The following ZFHX4 variants were observed in gnomAD, a reference collection of about 807,000 sequenced individuals.
The protein encoded by ZFHX4 is zinc finger homeobox protein 4.
Under a neutral mutation model 267.6 loss-of-function variants are expected in ZFHX4, and 56 were observed. The observed-to-expected ratio is 0.21, with a 90% CI of 0.17 to 0.26. The LOEUF is 0.26. Ranked by LOEUF, ZFHX4 falls within the 10% of genes least tolerant of loss-of-function variation. The pLI, the probability that ZFHX4 is intolerant of heterozygous loss-of-function variation, is 1.00. For synonymous variants in ZFHX4, 1,778 were observed against 1,665.6 expected (o/e 1.07, Z -1.64); for missense variants, 4,332 against 4,420.0 (o/e 0.98, Z 0.56).
At chr8:76,823,574 C>A (rs1383561764) in intron 4 of ZFHX4, among the ~76,000 whole-genome samples, 1 of 152,258 alleles carries the variant, frequency 6.6e-6, no homozygotes, top group African/African-American at 2.4e-5. Context: ...ATGTTTGTAT[C>A]AATCACTGCC....
At position 76,865,328 on chromosome 8, in the gene ZFHX4, A is replaced by G. The variant is rs1345458231; in HGVS notation, c.*763A>G. 2.0e-5 allele frequency: 3 copies of G among 152,686 alleles called. No homozygotes were observed. The highest frequency in any genetic ancestry group is 3.9e-4 in the East Asian group (2 of 5,182). The allele number at this position is 152,686 out of a possible 1,614,324, so 9.5% of individuals were successfully genotyped here. Reference sequence around the variant, plus strand: ...CCTTCTCACTTTTACCTCTGACGTCATTCTTTTTTTCTGAAAGAGGTAATA... The same window carrying G: ...CCTTCTCACTTTTACCTCTGACGTCGTTCTTTTTTTCTGAAAGAGGTAATA... On this transcript the variant is annotated 3_prime_UTR_variant, in exon 11 of 11. Coordinates refer to ENST00000651372, the MANE Select transcript of ZFHX4 (RefSeq NM_024721.5).
chr8:76,685,241 G>A (rs1807662363), intron 1 of ZFHX4, among the ~76,000 whole-genome samples: 4 of 152,140 alleles, frequency 2.6e-5, no homozygotes. Flanking sequence ...TCATTTCCAC[G>A]AAGCCAAATT....
At chr8:76,732,003 C>T (rs981720375) in intron 3 of ZFHX4, among the ~76,000 whole-genome samples, 2 of 151,590 alleles carry the variant, frequency 1.3e-5, no homozygotes, top group Non-Finnish European at 2.9e-5. Context: ...CTCCACACTC[C>T]GCTAATGTTT....
At chr8:76,735,638 A>T (rs1809139090) in intron 3 of ZFHX4, among the ~76,000 whole-genome samples, 1 of 152,116 alleles carries the variant, frequency 6.6e-6, no homozygotes, top group South Asian at 2.1e-4. Context: ...GACAGTGTTT[A>T]TTGTAGTCAG....
intron 10 of ZFHX4, among the ~76,000 whole-genome samples, chr8:76,861,924 C>T (rs960348083): frequency 2.6e-5 from 4 of 152,004 alleles, no homozygotes; most frequent in African/African-American, 9.7e-5. Flanking sequence ...CTTCCTTCCG[C>T]CCACCAGACC....
chr8:76,724,751 G>A (rs1808808810), intron 3 of ZFHX4, among the ~76,000 whole-genome samples: 2 of 152,048 alleles, frequency 1.3e-5, no homozygotes, highest in African/African-American at 4.8e-5. Context: ...CTTTGTACAT[G>A]AAGATATCCC....
At chr8:76,807,479 G>T (rs1354462964) in intron 4 of ZFHX4, among the ~76,000 whole-genome samples, 1 of 152,036 alleles carries the variant, frequency 6.6e-6, no homozygotes. Flanking sequence ...ATGAGTAGGG[G>T]GTTTCTGTTT....
rs1439144510 is a variant in ZFHX4 at position 76,706,638 on chromosome 8, G to T, written c.2550G>T (p.Gln850His). 6.2e-7 allele frequency: 1 copy of T among 1,602,226 alleles called. No homozygotes were observed. The highest frequency in any genetic ancestry group is 8.5e-7 in the Non-Finnish European group (1 of 1,175,606). ...CTCAGCTGATGATCAATCCATTCCAGCTGGATCCAGCGACAGCAGCGGCTT... is the reference window on the plus strand; with the variant it reads ...CTCAGCTGATGATCAATCCATTCCATCTGGATCCAGCGACAGCAGCGGCTT... ...ADPQLMINPF[Q>H]LDPATAAALA... is the part of the protein sequence containing the mutation. The change falls in exon 2 of 11, where the codon CAG becomes CAT. Residue 850 changes from glutamine (Q) to histidine (H), a missense_variant. Physicochemically the swap from Gln to His is conservative, Grantham distance 24. Transcript: ENST00000651372.
In ZFHX4 at chr8:76,842,637, G is replaced by C. The variant is rs1312830621; in HGVS notation, c.3395-18G>C. On this transcript the variant is annotated intron_variant, in intron 5 of 10. Coordinates refer to ENST00000651372, the MANE Select transcript of ZFHX4 (RefSeq NM_024721.5). The stretch of plus-strand genomic sequence containing the variant: ...GGGCGGTTTTCAGTTCTACTGATTG[G>C]TCTGCCTTTCTTAACAGAAGAACAA... The C allele has an allele frequency of 5.8e-6, 9 of 1,540,946 alleles. No individual in the cohort carries two copies. The highest frequency in any genetic ancestry group is 7.9e-6 in the Non-Finnish European group (9 of 1,139,166).
intron 5 of ZFHX4, among the ~76,000 whole-genome samples, chr8:76,840,203 A>G (rs965472824): frequency 6.6e-6 from 1 of 152,172 alleles, no homozygotes; most frequent in Non-Finnish European, 1.5e-5. Flanking sequence ...GAGAGAGGGG[A>G]AAAAAGTCAC....
intron 3 of ZFHX4, among the ~76,000 whole-genome samples, chr8:76,764,193 T>A (rs1809993385): frequency 6.6e-6 from 1 of 152,200 alleles, no homozygotes; most frequent in Non-Finnish European, 1.5e-5. Context: ...AAGCAGTTTC[T>A]CAAAGGAAAT....
chr8:76,693,506 T>C (rs1448720984), intron 1 of ZFHX4: 1 of 151,614 alleles, frequency 6.6e-6, no homozygotes, highest in Non-Finnish European at 1.5e-5. Context: ...AAATTGAGTG[T>C]GTATGTGTGC....
intron 5 of ZFHX4, among the ~76,000 whole-genome samples, chr8:76,835,640 C>T (rs887808896): frequency 6.6e-6 from 1 of 151,962 alleles, no homozygotes; most frequent in Non-Finnish European, 1.5e-5. Context: ...CTTATTTTCT[C>T]CTAAAAATCT....
intron 10 of ZFHX4, 100 bp from the exon 11 acceptor site, chr8:76,862,994 T>G (rs149847114): frequency 7.1e-7 from 1 of 1,412,156 alleles, no homozygotes; most frequent in Non-Finnish European, 9.2e-7. Flanking sequence ...TTTTCTGATA[T>G]AGCAATGTCC....
chr8:76,831,157 A>G (rs1811922851), intron 4 of ZFHX4, among the ~76,000 whole-genome samples: 1 of 152,200 alleles, frequency 6.6e-6, no homozygotes, highest in Non-Finnish European at 1.5e-5. Context: ...CAAATAGCTT[A>G]TCACAGTACC....
chr8:76,778,397 A>G lies in ZFHX4; in HGVS notation c.3283A>G (p.Ser1095Gly). 1 of 1,613,872 alleles carries G rather than the reference A, an allele frequency of 6.2e-7. No homozygotes were observed. The highest frequency in any genetic ancestry group is 8.5e-7 in the Non-Finnish European group (1 of 1,179,810). The change falls in exon 4 of 11, where the codon AGT (serine) becomes GGT (glycine). Residue 1095 changes from serine (S) to glycine (G), a missense_variant. This residue lies in a region of ZFHX4 where 1,371 missense variants were observed against 1,423.1 expected (regional missense o/e 0.96). Transcript: ENST00000651372. ...CCTGGCACCAGAGGAGGACAACCTC[A>G]GTGAGATCTTTTTTGTTAAAGATTG... ...QGLAPEEDNLSEIFFVKDCPP... is the reference protein window; with the variant it reads ...QGLAPEEDNLGEIFFVKDCPP...
chr8:76,750,748 G>GA (rs992632991), intron 3 of ZFHX4, among the ~76,000 whole-genome samples: 4 of 152,028 alleles, frequency 2.6e-5, no homozygotes, highest in Non-Finnish European at 5.9e-5. Context: ...GTTAACAAGT[G>GA]AAAAAAATCA....
intron 1 of ZFHX4, among the ~76,000 whole-genome samples, chr8:76,687,068 C>A (rs934059848): frequency 1.3e-5 from 2 of 152,156 alleles, no homozygotes; most frequent in Non-Finnish European, 2.9e-5. Flanking sequence ...TTAACATATG[C>A]AAATTGTCAA....
chr8:76,702,303 A>G (rs1808125786), intron 1 of ZFHX4, among the ~76,000 whole-genome samples: 2 of 152,196 alleles, frequency 1.3e-5, no homozygotes, highest in African/African-American at 4.8e-5. Flanking sequence ...TCAGATACCA[A>G]AACGAATTTT....
Sources: gnomAD v4.1 joint callset for allele counts (sites outside exome capture counted in the v4.1 genomes callset) on GRCh38, gnomAD v4.1.1 for gene constraint, gnomAD v4.1.1 regional missense constraint, MANE v1.5 for transcripts, NCBI Gene and HGNC (gene_info 2026-07-23, HGNC 2026-07-21) for gene names.